Variants in ZSWIM9 observed in about 807,000 individuals in gnomAD.
ZSWIM9 encodes uncharacterized protein ZSWIM9.
Under a neutral mutation model 25.0 loss-of-function variants are expected in ZSWIM9, and 11 were observed. The ratio of observed to expected loss-of-function variants is 0.44; its 90% CI spans 0.28 to 0.73. ZSWIM9 has a LOEUF of 0.73. Ranked by LOEUF, ZSWIM9 falls within the 30% of genes least tolerant of loss-of-function variation. The pLI, the probability that ZSWIM9 is intolerant of heterozygous loss-of-function variation, is 0.16. For synonymous variants in ZSWIM9, 562 were observed against 582.1 expected, an observed-to-expected ratio of 0.97 and a Z score of 0.50; for missense variants, 1,070 against 1,296.5, an observed-to-expected ratio of 0.83 and a Z score of 2.68.
Position 48,194,991 on chromosome 19 carries a change from G to C in ZSWIM9, c.927G>C (p.Leu309=). The change falls in exon 4 of 4, where the codon CTG becomes CTC. Residue 309 remains leucine, a synonymous_variant. Transcript: ENST00000614654. This position sits in a 1 kb window ranked among gnomAD's most constrained non-coding sequence, Gnocchi z 6.0. The part of the protein sequence containing the change: ...AAQLPAVRQL[L]PCARVQICRA... The stretch of plus-strand genomic sequence containing the variant: ...AGTTGCCTGCAGTGCGCCAGCTGCT[G>C]CCCTGCGCGCGCGTGCAGATCTGCC... 1 of 1,339,962 alleles carries C rather than the reference G, an allele frequency of 7.5e-7. No individual in the cohort carries two copies. The highest frequency in any genetic ancestry group is 9.5e-7 in the Non-Finnish European group (1 of 1,050,906). 83.0% of individuals were successfully genotyped at this position (1,339,962 alleles called of 1,614,324 possible).
At position 48,196,894 on chromosome 19, in the gene ZSWIM9, A is replaced by G. The variant is rs2123470592; in HGVS notation, c.*67A>G. 2 of 1,247,488 alleles carry G rather than the reference A, an allele frequency of 1.6e-6. No homozygotes were observed. The highest frequency in any genetic ancestry group is 3.1e-5 in the East Asian group (1 of 32,664). The allele number at this position is 1,247,488 out of a possible 1,614,324, so 77.3% of individuals were successfully genotyped here. Reference sequence around the variant, plus strand: ...GAGGGCATTCTTCGATCCCAAAGATAATAGGGCTGAGGCCAAGGAGACCGT... The same window carrying G: ...GAGGGCATTCTTCGATCCCAAAGATGATAGGGCTGAGGCCAAGGAGACCGT... On this transcript the variant is annotated 3_prime_UTR_variant, in exon 4 of 4. Transcript: ENST00000614654.
Position 48,186,852 on chromosome 19 carries a change from C to T in ZSWIM9, c.588+4085C>T, listed in dbSNP as rs116244238. 1,459 of 152,836 alleles carry T rather than the reference C, an allele frequency of 9.5e-3. 28 individuals are homozygous for T. The highest frequency in any genetic ancestry group is 0.033 in the African/African-American group (1,379 of 41,550). The allele number at this position is 152,836 out of a possible 1,614,324, so 9.5% of individuals were successfully genotyped here. A position where few individuals can be genotyped will look rare whatever the true frequency, so the allele number is the denominator to read the frequency against. ...CTTGGGGTTCAGAATCCCCCTCCCT[C>T]ATCTTCAGATGGGCCAGATGTCCCC... On this transcript the variant is annotated intron_variant, in intron 3 of 3. Coordinates refer to ENST00000614654, the MANE Select transcript of ZSWIM9 (RefSeq NM_199341.4).
chr19:48,171,195 A>T, intron 1 of ZSWIM9: 2 of 984,338 alleles, frequency 2.0e-6, no homozygotes, highest in South Asian at 9.4e-5. Flanking sequence ...AATCGGGGGA[A>T]GGGGCAACAG....
Position 48,194,815 on chromosome 19 carries a change from G to A in ZSWIM9, c.751G>A (p.Gly251Ser). The A allele has an allele frequency of 2.0e-6, 3 of 1,484,060 alleles. No individual in the cohort carries two copies. In the South Asian group the frequency reaches 3.8e-5, roughly 19 times the overall value. The allele number at this position is 1,484,060 out of a possible 1,614,324, so 91.9% of individuals were successfully genotyped here. A position where few individuals can be genotyped will look rare whatever the true frequency, so the allele number is the denominator to read the frequency against. The stretch of plus-strand genomic sequence containing the variant: ...TCTGCTGGCCGTGCTGTGCGTGGAC[G>A]GCTCGGGCCGTGCGCGCCAGGCTGC... ...LDLLAVLCVD[G>S]SGRARQAACC... The change falls in exon 4 of 4, where the codon GGC becomes AGC. Residue 251 changes from glycine (G) to serine (S), a missense_variant. Coordinates refer to ENST00000614654, the MANE Select transcript of ZSWIM9 (RefSeq NM_199341.4). This position sits in a 1 kb window ranked among gnomAD's most constrained non-coding sequence, Gnocchi z 6.0.
rs746097658 is a variant in ZSWIM9, at chr19:48,195,640, G to T, written c.1576G>T (p.Gly526Cys). 2.3e-5 allele frequency: 33 copies of T among 1,423,136 alleles called. No homozygotes were observed. Among genetic ancestry groups the T allele is most frequent in the Non-Finnish European group, 2.8e-5 (31 of 1,095,352 alleles). 88.2% of individuals were successfully genotyped at this position (1,423,136 alleles called of 1,614,324 possible). A position where few individuals can be genotyped will look rare whatever the true frequency, so the allele number is the denominator to read the frequency against. ...ACTGCAGATCAGAGATTGGAGAGGGGGTCGGTTGGAGAATCAGAAGCCGAG... is the reference window on the plus strand; with the variant it reads ...ACTGCAGATCAGAGATTGGAGAGGGTGTCGGTTGGAGAATCAGAAGCCGAG... Reference protein sequence around the residue: ...RALQIRDWRGGRLENQKPRGL... With the variant: ...RALQIRDWRGCRLENQKPRGL... The change falls in exon 4 of 4, where the codon GGT becomes TGT. Residue 526 changes from glycine (G) to cysteine (C), a missense_variant. Physicochemically the swap from Gly to Cys is radical, Grantham distance 159 (BLOSUM62 -3). This residue lies in a region of ZSWIM9 where 583 missense variants were observed against 624.7 expected (regional missense o/e 0.93). Transcript: ENST00000614654. The surrounding 1 kb of genome is among the most constrained non-coding windows in gnomAD (Gnocchi z 5.8).
intron 2 of ZSWIM9, among the ~76,000 whole-genome samples, chr19:48,176,316 C>G (rs2036892913): frequency 6.6e-6 from 1 of 152,160 alleles, no homozygotes; most frequent in South Asian, 2.1e-4. Context: ...TTACTATGCA[C>G]TAGCCCATTT....
At position 48,194,510 on chromosome 19, in the gene ZSWIM9, G is replaced by A; in HGVS notation, c.589-143G>A. ...CCATTTCCCTGCACTGCCTCCTGCCGGTCAAAAGAATAAATGCATATGCAG... is the reference window on the plus strand; with the variant it reads ...CCATTTCCCTGCACTGCCTCCTGCCAGTCAAAAGAATAAATGCATATGCAG... On this transcript the variant is annotated intron_variant, in intron 3 of 3. Coordinates refer to ENST00000614654, the MANE Select transcript of ZSWIM9 (RefSeq NM_199341.4). The surrounding 1 kb of genome is among the most constrained non-coding windows in gnomAD (Gnocchi z 6.0). 2 of 867,796 alleles carry A rather than the reference G, an allele frequency of 2.3e-6. No individual in the cohort carries two copies. The allele number at this position is 867,796 out of a possible 1,614,324, so 53.8% of individuals were successfully genotyped here.
chr19:48,170,927 T>G (rs1322967835), intron 1 of ZSWIM9, among the ~76,000 whole-genome samples: 1 of 150,760 alleles, frequency 6.6e-6, no homozygotes, highest in Non-Finnish European at 1.5e-5. Context: ...CGAGGGGCCA[T>G]GTCTAGAACG....
intron 3 of ZSWIM9, among the ~76,000 whole-genome samples, chr19:48,187,440 A>AT (rs2037029605): frequency 9.7e-6 from 1 of 102,780 alleles, no homozygotes; most frequent in Non-Finnish European, 1.8e-5. Context: ...TATATTATAT[A>AT]TATTATATAT....
chr19:48,187,010 G>A (rs1016090244), intron 3 of ZSWIM9, among the ~76,000 whole-genome samples: 3 of 152,046 alleles, frequency 2.0e-5, no homozygotes, highest in African/African-American at 2.4e-5. Flanking sequence ...CCCTCAGTTC[G>A]TCTTTATTTT....
At chr19:48,187,326 GAA>G (rs1414301458) in intron 3 of ZSWIM9, among the ~76,000 whole-genome samples, 1 of 136,168 alleles carries the variant, frequency 7.3e-6, no homozygotes, top group Non-Finnish European at 1.5e-5. Flanking sequence ...AAAATCTAAT[GAA>G]AGAGTTCTAT....
At chr19:48,190,320 G>C (rs1205797893) in intron 3 of ZSWIM9, among the ~76,000 whole-genome samples, 1 of 152,216 alleles carries the variant, frequency 6.6e-6, no homozygotes, top group Admixed American at 6.5e-5. Flanking sequence ...GGTTGTGTGA[G>C]TCAGGATGGC....
intron 2 of ZSWIM9, chr19:48,174,663 T>C (rs2036874683): frequency 6.6e-6 from 1 of 152,258 alleles, no homozygotes; most frequent in African/African-American, 2.4e-5. Context: ...AAATACATTC[T>C]TGCAACTTCT....
At chr19:48,184,430 G>A (rs2036988503) in intron 3 of ZSWIM9, among the ~76,000 whole-genome samples, 1 of 152,118 alleles carries the variant, frequency 6.6e-6, no homozygotes, top group African/African-American at 2.4e-5. Context: ...AAAGAAAGAT[G>A]AGAAAGTAGG....
intron 2 of ZSWIM9, among the ~76,000 whole-genome samples, chr19:48,179,600 G>A (rs2036927315): frequency 6.6e-6 from 1 of 152,222 alleles, no homozygotes; most frequent in Non-Finnish European, 1.5e-5. Context: ...AGATGTATAA[G>A]AGAGTGTTGT....
chr19:48,187,197 TAA>T (rs1189659595), intron 3 of ZSWIM9, among the ~76,000 whole-genome samples: 20 of 123,434 alleles, frequency 1.6e-4, no homozygotes, highest in African/African-American at 2.1e-4. Context: ...GCCTCTGATT[TAA>T]AAAAAAAAAA....
At position 48,182,426 on chromosome 19, in the gene ZSWIM9, G is replaced by T; in HGVS notation, c.276-29G>T. 6.7e-7 allele frequency: 1 copy of T among 1,503,068 alleles called. No homozygotes were observed. The highest frequency in any genetic ancestry group is 8.9e-7 in the Non-Finnish European group (1 of 1,122,580). 93.1% of individuals were successfully genotyped at this position (1,503,068 alleles called of 1,614,324 possible). A position where few individuals can be genotyped will look rare whatever the true frequency, so the allele number is the denominator to read the frequency against. ...GAAGAAGAGGGCAGCAGAGTGATGT[G>T]ACCAGGGCGGTGGTGGTTCCTCCCA... On this transcript the variant is annotated intron_variant, in intron 2 of 3. Coordinates refer to ENST00000614654, the MANE Select transcript of ZSWIM9 (RefSeq NM_199341.4). The surrounding 1 kb of genome is among the most constrained non-coding windows in gnomAD (Gnocchi z 4.6).
At chr19:48,171,747 G>T in intron 1 of ZSWIM9, 47 bp from the exon 2 acceptor site, 1 of 1,476,078 alleles carries the variant, frequency 6.8e-7, no homozygotes, top group Non-Finnish European at 9.0e-7. Context: ...AGATACCCCG[G>T]GTGGGAATGG....
intron 2 of ZSWIM9, among the ~76,000 whole-genome samples, chr19:48,174,239 G>A (rs1015678743): frequency 6.6e-5 from 10 of 151,946 alleles, no homozygotes; most frequent in Non-Finnish European, 1.2e-4. Flanking sequence ...CATGCTCCAC[G>A]ACTTCCTGGA....
Sources: allele counts gnomAD v4.1 joint callset (sites outside exome capture counted in the v4.1 genomes callset), GRCh38; gene constraint gnomAD v4.1.1; regional missense constraint gnomAD v4.1.1; non-coding constraint Gnocchi (gnomAD v3.1); transcripts MANE v1.5; gene names NCBI Gene and HGNC (gene_info 2026-07-23, HGNC 2026-07-21).